Variants in KLF12 observed in about 807,000 individuals in gnomAD.
The protein encoded by KLF12 is Krueppel-like factor 12.
A neutral mutation model predicts 37.8 loss-of-function variants in KLF12; 9 were observed. The ratio of observed to expected loss-of-function variants is 0.24; its 90% CI spans 0.14 to 0.42. The LOEUF (loss-of-function observed/expected upper bound fraction) is 0.42. Ranked by LOEUF, KLF12 falls within the 10% of genes least tolerant of loss-of-function variation. The pLI is 1.00. For missense variants in KLF12, 411 were observed against 516.0 expected, an observed-to-expected ratio of 0.80 and a Z score of 1.97; for synonymous variants, 208 against 202.1, an observed-to-expected ratio of 1.03 and a Z score of -0.25.
At chr13:74,293,984 G>A in the KLF12 span, among the ~76,000 whole-genome samples, 2 of 152,182 alleles carry the variant, frequency 1.3e-5, no homozygotes, top group African/African-American at 4.8e-5. Flanking sequence ...TACCCTCAAT[G>A]TTAGTTGTCT....
chr13:73,706,764 G>A (rs1440138220), intron 7 of KLF12, among the ~76,000 whole-genome samples: 1 of 152,192 alleles, frequency 6.6e-6, no homozygotes, highest in Non-Finnish European at 1.5e-5. Flanking sequence ...TGCTGGATAT[G>A]TGTGAATGAG....
chr13:74,166,684 T>G, the KLF12 span, among the ~76,000 whole-genome samples: 1 of 152,152 alleles, frequency 6.6e-6, no homozygotes, highest in Non-Finnish European at 1.5e-5. Flanking sequence ...TGCATGGATT[T>G]CCCCCCTACT....
At chr13:73,908,729 C>G (rs1298758865) in intron 3 of KLF12, among the ~76,000 whole-genome samples, 1 of 152,088 alleles carries the variant, frequency 6.6e-6, no homozygotes, top group Non-Finnish European at 1.5e-5. Flanking sequence ...ATCTGCCCGC[C>G]TAGGCCTCCC....
intron 3 of KLF12, among the ~76,000 whole-genome samples, chr13:73,913,835 G>A (rs1260493718): frequency 2.0e-5 from 3 of 152,044 alleles, no homozygotes; most frequent in Non-Finnish European, 4.4e-5. Flanking sequence ...AACTGTACAA[G>A]TAGCATGGGC....
chr13:73,763,045 C>T (rs1879670301), intron 6 of KLF12, among the ~76,000 whole-genome samples: 1 of 152,158 alleles, frequency 6.6e-6, no homozygotes, highest in African/African-American at 2.4e-5. Context: ...ATAAAGGAAA[C>T]ACTAGCTCAA....
rs551800094 is a variant in KLF12 at position 73,703,288 on chromosome 13, A to G, written c.1028-7617T>C. On this transcript the variant is annotated intron_variant, in intron 7 of 7. Coordinates refer to ENST00000377669, the MANE Select transcript of KLF12 (RefSeq NM_007249.5). Reference sequence around the variant, plus strand: ...TTTTATAAAGAAATAAAAATAATATAAAGTTAAAAATGGATCCTGTTTGCT... The same window carrying G: ...TTTTATAAAGAAATAAAAATAATATGAAGTTAAAAATGGATCCTGTTTGCT... 3.9e-5 allele frequency among the ~76,000 whole-genome samples: 6 copies of G among 152,318 alleles called. No homozygotes were observed. The East Asian group carries it at 1.2e-3, about 29-fold the overall frequency.
At chr13:73,909,587 T>A (rs932787113) in intron 3 of KLF12, among the ~76,000 whole-genome samples, 15 of 152,320 alleles carry the variant, frequency 9.8e-5, no homozygotes, top group South Asian at 4.1e-4. Flanking sequence ...ATTTTCAGAA[T>A]AAAGTATGTT....
intron 4 of KLF12, among the ~76,000 whole-genome samples, chr13:73,838,384 T>A (rs1205549273): frequency 6.6e-6 from 1 of 152,178 alleles, no homozygotes; most frequent in Non-Finnish European, 1.5e-5. Flanking sequence ...GGAGGATTCT[T>A]CACCGTGTGT....
At chr13:74,157,541 A>G in the KLF12 span, among the ~76,000 whole-genome samples, 1 of 152,212 alleles carries the variant, frequency 6.6e-6, no homozygotes, top group African/African-American at 2.4e-5. Flanking sequence ...AGCTCTTAAC[A>G]TAGTAGACAC....
Position 73,693,251 on chromosome 13 carries a change from A to T in KLF12, c.*2239T>A, listed in dbSNP as rs1232778217. On this transcript the variant is annotated 3_prime_UTR_variant, in exon 8 of 8. Coordinates refer to ENST00000377669, the MANE Select transcript of KLF12 (RefSeq NM_007249.5). ...GTAACCAGCACTGGCATGCATCAAC[A>T]GACCTTTTTCTATTCTGAATGGTCA... The T allele has an allele frequency of 6.6e-6, 1 of 152,164 alleles. No individual in the cohort carries two copies. The highest frequency in any genetic ancestry group is 2.4e-5 in the African/African-American group (1 of 41,444). The allele number at this position is 152,164 out of a possible 1,614,324, so 9.4% of individuals were successfully genotyped here. A position where few individuals can be genotyped will look rare whatever the true frequency, so the allele number is the denominator to read the frequency against.
chr13:73,854,677 C>T (rs993978040), intron 3 of KLF12, among the ~76,000 whole-genome samples: 8 of 152,298 alleles, frequency 5.3e-5, no homozygotes, highest in South Asian at 2.1e-4. Flanking sequence ...TGCTCAAATC[C>T]GTGATATAAA....
chr13:74,161,286 C>T, the KLF12 span, among the ~76,000 whole-genome samples: 1 of 151,976 alleles, frequency 6.6e-6, no homozygotes, highest in Non-Finnish European at 1.5e-5. Flanking sequence ...AGAATGTGAC[C>T]TTATTTGAAA....
chr13:74,167,686 T>G, the KLF12 span, among the ~76,000 whole-genome samples: 1 of 152,224 alleles, frequency 6.6e-6, no homozygotes, highest in Non-Finnish European at 1.5e-5. Flanking sequence ...GGTTTTATAC[T>G]TAATCTCGTG....
At chr13:73,819,031 A>G (rs1883385392) in intron 4 of KLF12, among the ~76,000 whole-genome samples, 2 of 152,200 alleles carry the variant, frequency 1.3e-5, no homozygotes, top group Non-Finnish European at 2.9e-5. Context: ...AATGTTTGGG[A>G]AAATTCATAG....
the KLF12 span, among the ~76,000 whole-genome samples, chr13:74,285,565 A>G: frequency 6.6e-6 from 1 of 152,232 alleles, no homozygotes; most frequent in East Asian, 1.9e-4. Context: ...GAGAAAGAAT[A>G]GAAAACATAG....
At chr13:74,278,796 C>T in the KLF12 span, among the ~76,000 whole-genome samples, 1 of 152,140 alleles carries the variant, frequency 6.6e-6, no homozygotes, top group African/African-American at 2.4e-5. Context: ...AATGTAGCAT[C>T]TATTAGTTTC....
chr13:73,724,191 C>T (rs922922475), intron 6 of KLF12, among the ~76,000 whole-genome samples: 11 of 152,132 alleles, frequency 7.2e-5, no homozygotes, highest in Non-Finnish European at 1.5e-4. Context: ...CACATATACA[C>T]CATGGAATAC....
chr13:74,117,627 C>T (rs1877384171), intron 1 of KLF12, among the ~76,000 whole-genome samples: 1 of 152,150 alleles, frequency 6.6e-6, no homozygotes, highest in African/African-American at 2.4e-5. Context: ...GCAAATACCA[C>T]TTTAACCAAG....
chr13:73,782,515 A>G (rs1228568030), intron 5 of KLF12, among the ~76,000 whole-genome samples: 1 of 152,244 alleles, frequency 6.6e-6, no homozygotes, highest in East Asian at 1.9e-4. Flanking sequence ...AGGGGAGTTT[A>G]TCATGAAGAA....
Sources: gnomAD v4.1 joint callset for allele counts (sites outside exome capture counted in the v4.1 genomes callset) on GRCh38, gnomAD v4.1.1 for gene constraint, MANE v1.5 for transcripts, NCBI Gene and HGNC (gene_info 2026-07-23, HGNC 2026-07-21) for gene names.